NDUFV2: variants seen among roughly 807,000 people sequenced by gnomAD.
The protein encoded by NDUFV2 is NADH:ubiquinone oxidoreductase core subunit V2.
A neutral mutation model predicts 31.6 loss-of-function variants in NDUFV2; 18 were observed. The observed-to-expected ratio is 0.57, with a 90% CI of 0.39 to 0.84. NDUFV2 has a LOEUF of 0.84. Ranked by LOEUF, NDUFV2 falls within the 40% of genes least tolerant of loss-of-function variation. The pLI is 0.00. For synonymous variants in NDUFV2, 83 were observed against 99.8 expected, an observed-to-expected ratio of 0.83 and a Z score of 1.01; for missense variants, 314 against 303.6, an observed-to-expected ratio of 1.03 and a Z score of -0.26.
intron 1 of NDUFV2, chr18:9,103,929 G>C (rs1263625923): frequency 1.9e-5 from 9 of 472,192 alleles, no homozygotes; most frequent in African/African-American, 1.6e-4. Flanking sequence ...TTTTGAGGCT[G>C]GTATTACTTT....
At chr18:9,116,227 A>G (rs1405752041) in intron 1 of NDUFV2, among the ~76,000 whole-genome samples, 1 of 152,222 alleles carries the variant, frequency 6.6e-6, no homozygotes, top group Admixed American at 6.5e-5. Context: ...TATAGAGAAA[A>G]GAAGATAGGA....
chr18:9,109,750 A>C (rs1416986744), intron 1 of NDUFV2, among the ~76,000 whole-genome samples: 2 of 152,212 alleles, frequency 1.3e-5, no homozygotes, highest in African/African-American at 2.4e-5. Context: ...GTAAAATGGA[A>C]ATAATGACTC....
intron 1 of NDUFV2, among the ~76,000 whole-genome samples, chr18:9,116,636 C>A (rs1254597617): frequency 1.3e-5 from 2 of 152,138 alleles, no homozygotes; most frequent in Non-Finnish European, 2.9e-5. Flanking sequence ...GTACCTTAGT[C>A]TTTTCTTGTT....
At chr18:9,119,010 A>AGATC (rs2077915228) in intron 2 of NDUFV2, among the ~76,000 whole-genome samples, 2 of 151,996 alleles carry the variant, frequency 1.3e-5, no homozygotes, top group African/African-American at 4.8e-5. Context: ...TGTTTTGGTA[A>AGATC]TTCTATCAGA....
chr18:9,108,442 G>A (rs565044775), intron 1 of NDUFV2, among the ~76,000 whole-genome samples: 1 of 152,244 alleles, frequency 6.6e-6, no homozygotes, highest in Non-Finnish European at 1.5e-5. Flanking sequence ...TGTGAGCTAG[G>A]GAAAGTTTTT....
At chr18:9,106,913 C>CCTT (rs3080065) in intron 1 of NDUFV2, among the ~76,000 whole-genome samples, 115,423 of 151,806 alleles carry the variant, frequency 0.76, 44,348 homozygotes, top group Middle Eastern at 0.88. Context: ...CTTCGACCCT[C>CCTT]CTGGCATTCA....
At chr18:9,132,983 T>C (rs1226593390) in intron 7 of NDUFV2, among the ~76,000 whole-genome samples, 1 of 152,242 alleles carries the variant, frequency 6.6e-6, no homozygotes. Context: ...TCTTACAGTA[T>C]ACAATGACTG....
chr18:9,104,135 C>T, intron 1 of NDUFV2: 1 of 1,612,152 alleles, frequency 6.2e-7, no homozygotes, highest in Non-Finnish European at 8.5e-7. Context: ...GGCATGGGGT[C>T]CGAGGGTATT....
At chr18:9,110,469 T>TAC (rs2077864285) in intron 1 of NDUFV2, among the ~76,000 whole-genome samples, 1 of 152,198 alleles carries the variant, frequency 6.6e-6, no homozygotes, top group South Asian at 2.1e-4. Flanking sequence ...ATTTATCAGT[T>TAC]TATCTTCACT....
At chr18:9,116,166 T>G (rs1342562812) in intron 1 of NDUFV2, among the ~76,000 whole-genome samples, 1 of 152,208 alleles carries the variant, frequency 6.6e-6, no homozygotes, top group Non-Finnish European at 1.5e-5. Context: ...GTGTAAGATT[T>G]AAGACTCATC....
intron 1 of NDUFV2, among the ~76,000 whole-genome samples, chr18:9,109,400 CTT>C (rs2077858406): frequency 6.6e-6 from 1 of 152,280 alleles, no homozygotes; most frequent in South Asian, 2.1e-4. Context: ...TTCTTAGTCT[CTT>C]ATTAACTTCT....
At chr18:9,123,270 C>T (rs534358592) in intron 5 of NDUFV2, among the ~76,000 whole-genome samples, 1 of 152,188 alleles carries the variant, frequency 6.6e-6, no homozygotes, top group Middle Eastern at 3.4e-3. Flanking sequence ...GTAAAAATAG[C>T]TGGGTGGTAT....
intron 4 of NDUFV2, among the ~76,000 whole-genome samples, chr18:9,121,964 CAT>C (rs1393358107): frequency 6.6e-6 from 1 of 152,118 alleles, no homozygotes; most frequent in African/African-American, 2.4e-5. Flanking sequence ...TATGTGTATA[CAT>C]ATATGTAGAG....
intron 7 of NDUFV2, among the ~76,000 whole-genome samples, chr18:9,131,878 C>T (rs1221160950): frequency 2.6e-5 from 4 of 152,114 alleles, no homozygotes; most frequent in Non-Finnish European, 5.9e-5. Context: ...TAAATTGTGG[C>T]TGTCAGGTGA....
intron 2 of NDUFV2, among the ~76,000 whole-genome samples, chr18:9,118,675 T>C (rs748197651): frequency 6.6e-6 from 1 of 152,190 alleles, no homozygotes; most frequent in Non-Finnish European, 1.5e-5. Flanking sequence ...TAAGTGTTAA[T>C]CTCAGTGTGA....
At chr18:9,121,896 A>G (rs893414051) in intron 4 of NDUFV2, among the ~76,000 whole-genome samples, 11 of 152,230 alleles carry the variant, frequency 7.2e-5, no homozygotes, top group Non-Finnish European at 1.5e-5. Flanking sequence ...GTATTGTGAT[A>G]TGAAATAGAA....
At chr18:9,125,122 TA>T in intron 6 of NDUFV2, 139 bp downstream of exon 6, 1 of 945,194 alleles carries the variant, frequency 1.1e-6, no homozygotes, top group Non-Finnish European at 1.5e-6. Flanking sequence ...ATCCAGGTTT[TA>T]AAAAATTCTT....
chr18:9,128,050 TTCAA>T (rs1480409239), intron 7 of NDUFV2, among the ~76,000 whole-genome samples: 3 of 152,228 alleles, frequency 2.0e-5, no homozygotes, highest in Admixed American at 6.5e-5. Flanking sequence ...CATGTATGTG[TTCAA>T]TCACTCAAAA....
chr18:9,115,344 CCA>C (rs1375197513), intron 1 of NDUFV2, among the ~76,000 whole-genome samples: 1 of 151,688 alleles, frequency 6.6e-6, no homozygotes, highest in African/African-American at 2.4e-5. Context: ...AACCCTGATT[CCA>C]GTTTCTACAT....
Sources: gnomAD v4.1 joint callset for allele counts (sites outside exome capture counted in the v4.1 genomes callset) on GRCh38, gnomAD v4.1.1 for gene constraint, MANE v1.5 for transcripts, NCBI Gene and HGNC (gene_info 2026-07-23, HGNC 2026-07-21) for gene names.